Variants in EFCAB7 observed in about 807,000 individuals in gnomAD.
EFCAB7 encodes the protein EF-hand calcium binding domain 7.
In EFCAB7, 66 loss-of-function variants were observed where a neutral mutation model predicts 77.1. The observed-to-expected ratio is 0.86, with a 90% confidence interval of 0.70 to 1.05. The LOEUF (loss-of-function observed/expected upper bound fraction) is 1.05. Ranked by LOEUF, EFCAB7 falls within the 50% of genes least tolerant of loss-of-function variation. The pLI is 0.00. For missense variants in EFCAB7, 638 were observed against 730.5 expected (o/e 0.87, Z 1.46); for synonymous variants, 225 against 243.3 (o/e 0.92, Z 0.70).
chr1:63,539,137 A>C lies in EFCAB7; in HGVS notation c.804+4921A>C, dbSNP rs540624571. Among the ~76,000 whole-genome samples the C allele has an allele frequency of 3.9e-5, 6 of 152,300 alleles. No individual in the cohort carries two copies. The East Asian group carries it at 5.8e-4, about 15-fold the overall frequency. On this transcript the variant is annotated intron_variant, in intron 6 of 13. Transcript: ENST00000371088. ...AAATTTTATAAAGCTATGTCCTGTT[A>C]ATCTGTGGCACTGCCCCAGAGGTAG...
intron 10 of EFCAB7, among the ~76,000 whole-genome samples, chr1:63,560,434 C>T (rs1647083240): frequency 6.6e-6 from 1 of 151,494 alleles, no homozygotes; most frequent in East Asian, 1.9e-4. Flanking sequence ...TTGTGGCTAC[C>T]ATTTCTCTTC....
At chr1:63,524,783 C>G (rs1357267852) in intron 1 of EFCAB7, among the ~76,000 whole-genome samples, 4 of 152,038 alleles carry the variant, frequency 2.6e-5, no homozygotes, top group African/African-American at 7.2e-5. Flanking sequence ...ATTGCTACCC[C>G]TCAATTTCCT....
downstream of EFCAB7, among the ~76,000 whole-genome samples, chr1:63,574,977 A>G (rs1647369460): frequency 6.6e-6 from 1 of 152,216 alleles, no homozygotes; most frequent in South Asian, 2.1e-4. Flanking sequence ...ATTTACATGT[A>G]TGAATATTTC....
At chr1:63,527,748 T>C (rs569795798) in intron 2 of EFCAB7, 3 of 152,222 alleles carry the variant, frequency 2.0e-5, no homozygotes, top group Non-Finnish European at 2.9e-5. Flanking sequence ...TGTTTTGGCA[T>C]AATTAATTTT....
intron 2 of EFCAB7, among the ~76,000 whole-genome samples, chr1:63,526,112 A>T (rs1474488502): frequency 6.6e-6 from 1 of 152,240 alleles, no homozygotes; most frequent in Non-Finnish European, 1.5e-5. Flanking sequence ...ATACTGAGGA[A>T]AGTGTAAAGG....
chr1:63,572,369 T>C, intron 13 of EFCAB7, 73 bp from the exon 14 acceptor site: 1 of 1,217,746 alleles, frequency 8.2e-7, no homozygotes, highest in Non-Finnish European at 1.2e-6. Flanking sequence ...CTAGAAATGT[T>C]GTCCTGTTTA....
chr1:63,581,980 CTG>C, the EFCAB7 span, among the ~76,000 whole-genome samples: 2 of 152,174 alleles, frequency 1.3e-5, no homozygotes, highest in African/African-American at 2.4e-5. Flanking sequence ...TAAATCATAA[CTG>C]TATAAAATTA....
intron 2 of EFCAB7, among the ~76,000 whole-genome samples, chr1:63,527,359 T>G (rs1418658933): frequency 6.6e-6 from 1 of 152,234 alleles, no homozygotes; most frequent in Non-Finnish European, 1.5e-5. Context: ...TGATTTTAGA[T>G]AAACTATTTT....
At chr1:63,546,662 C>T (rs1646902642) in intron 7 of EFCAB7, among the ~76,000 whole-genome samples, 1 of 152,130 alleles carries the variant, frequency 6.6e-6, no homozygotes, top group African/African-American at 2.4e-5. Flanking sequence ...GCCACCATGC[C>T]CAGCCAGAAC....
intron 10 of EFCAB7, among the ~76,000 whole-genome samples, chr1:63,559,560 C>G (rs1413452474): frequency 2.0e-5 from 3 of 152,094 alleles, no homozygotes; most frequent in Non-Finnish European, 2.9e-5. Context: ...CCTCCAGGCT[C>G]AAGCGATCCT....
downstream of EFCAB7, among the ~76,000 whole-genome samples, chr1:63,574,701 T>C (rs895898045): frequency 5.9e-5 from 9 of 151,798 alleles, no homozygotes; most frequent in African/African-American, 2.2e-4. Flanking sequence ...TTGAGAAGAG[T>C]TTTTGTTAAA....
chr1:63,583,527 CAATG>C, the EFCAB7 span, among the ~76,000 whole-genome samples: 11 of 152,104 alleles, frequency 7.2e-5, no homozygotes, highest in African/African-American at 1.2e-4. Context: ...CTGAAGGTGT[CAATG>C]AGGTCTACTT....
intron 6 of EFCAB7, among the ~76,000 whole-genome samples, chr1:63,538,918 TGTG>T (rs1646796212): frequency 6.6e-6 from 1 of 152,216 alleles, no homozygotes; most frequent in Non-Finnish European, 1.5e-5. Flanking sequence ...ATATAAATAA[TGTG>T]GTATTTGTCT....
chr1:63,563,889 TA>T (rs1252036184), intron 11 of EFCAB7, among the ~76,000 whole-genome samples: 1 of 152,204 alleles, frequency 6.6e-6, no homozygotes, highest in African/African-American at 2.4e-5. Flanking sequence ...GCATTGCCCC[TA>T]TATACTGTAA....
At chr1:63,551,077 G>T (rs537595555) in intron 7 of EFCAB7, 1 of 152,324 alleles carries the variant, frequency 6.6e-6, no homozygotes, top group East Asian at 1.9e-4. Flanking sequence ...TCTTCCTCGT[G>T]TGCTCCACCA....
intron 6 of EFCAB7, among the ~76,000 whole-genome samples, chr1:63,544,389 T>C (rs1460075761): frequency 6.6e-6 from 1 of 152,070 alleles, no homozygotes; most frequent in Non-Finnish European, 1.5e-5. Context: ...TGATATTTTA[T>C]ATTCATCGGC....
downstream of EFCAB7, among the ~76,000 whole-genome samples, chr1:63,575,604 G>T (rs1647388415): frequency 6.6e-6 from 1 of 151,598 alleles, no homozygotes; most frequent in Non-Finnish European, 1.5e-5. Flanking sequence ...CATTTTTTTT[G>T]AGACAGAGTC....
At chr1:63,555,584 T>C in intron 9 of EFCAB7, 69 bp downstream of exon 9, 1 of 1,402,436 alleles carries the variant, frequency 7.1e-7, no homozygotes, top group Non-Finnish European at 9.6e-7. Context: ...CCTGTGTTAC[T>C]CCCTTTGGCC....
intron 2 of EFCAB7, chr1:63,527,909 A>C (rs1410933953): frequency 6.6e-6 from 1 of 152,200 alleles, no homozygotes; most frequent in Non-Finnish European, 1.5e-5. Flanking sequence ...AGAAGATATA[A>C]TTTTCTTTCA....
Sources: gnomAD v4.1 joint callset for allele counts (sites outside exome capture counted in the v4.1 genomes callset) on GRCh38, gnomAD v4.1.1 for gene constraint, MANE v1.5 for transcripts, NCBI Gene and HGNC (gene_info 2026-07-23, HGNC 2026-07-21) for gene names.